Variants in PRXL2A observed in about 807,000 individuals in gnomAD.
The protein encoded by PRXL2A is peroxiredoxin like 2A.
PRXL2A carries 26 observed loss-of-function variants against 25.6 expected under a neutral mutation model. The observed-to-expected ratio is 1.02, with a 90% CI of 0.74 to 1.41. The LOEUF is 1.41. Ranked by LOEUF, PRXL2A falls within the 40% of genes most tolerant of loss-of-function variation. The pLI, the probability that PRXL2A is intolerant of heterozygous loss-of-function variation, is 0.00. For synonymous variants in PRXL2A, 98 were observed against 102.9 expected, an observed-to-expected ratio of 0.95 and a Z score of 0.29; for missense variants, 246 against 273.9, an observed-to-expected ratio of 0.90 and a Z score of 0.72.
At chr10:80,410,579 C>T (rs1358704292) in intron 1 of PRXL2A, among the ~76,000 whole-genome samples, 1 of 152,230 alleles carries the variant, frequency 6.6e-6, no homozygotes, top group African/African-American at 2.4e-5. Flanking sequence ...GCTGCTTTGC[C>T]GTTTTCTAGT....
rs1845284190 is a variant in PRXL2A at position 80,432,116 on chromosome 10, A to G, written c.*17A>G. On this transcript the variant is annotated 3_prime_UTR_variant, in exon 6 of 6. Transcript: ENST00000606162. Reference sequence around the variant, plus strand: ...AAAAAATGATTGTGTGAAACTGCCCAGCTCAGGGATAACCAGGGACATTCA... The same window carrying G: ...AAAAAATGATTGTGTGAAACTGCCCGGCTCAGGGATAACCAGGGACATTCA... 4.8e-6 allele frequency: 7 copies of G among 1,461,802 alleles called. No homozygotes were observed. Among genetic ancestry groups the G allele is most frequent in the Non-Finnish European group, 6.7e-6 (7 of 1,049,780 alleles). The allele number at this position is 1,461,802 out of a possible 1,614,324, so 90.6% of individuals were successfully genotyped here.
chr10:80,423,702 T>G (rs1844940080), intron 3 of PRXL2A, among the ~76,000 whole-genome samples: 1 of 152,222 alleles, frequency 6.6e-6, no homozygotes, highest in African/African-American at 2.4e-5. Context: ...TTTATTATTC[T>G]CATTACAGAG....
chr10:80,413,410 C>G (rs1395300991), intron 1 of PRXL2A, among the ~76,000 whole-genome samples: 1 of 152,106 alleles, frequency 6.6e-6, no homozygotes, highest in East Asian at 1.9e-4. Flanking sequence ...TGAGGGGCCT[C>G]AGAGGTGCCA....
chr10:80,435,137 C>G lies in PRXL2A; in HGVS notation c.*3038C>G, dbSNP rs1350492271. On this transcript the variant is annotated 3_prime_UTR_variant, in exon 6 of 6. Transcript: ENST00000606162. ...GCTGAGGCAGGAGAATCGCTTGAAC[C>G]CAGGAGGCGGAGGGTGCAGTGAGCC... The G allele has an allele frequency of 6.6e-6, 1 of 152,316 alleles. No individual in the cohort carries two copies. Among genetic ancestry groups the G allele is most frequent in the Non-Finnish European group, 1.5e-5 (1 of 68,156 alleles). 9.4% of individuals were successfully genotyped at this position (152,316 alleles called of 1,614,324 possible).
At chr10:80,428,849 T>C (rs1254948692) in intron 5 of PRXL2A, among the ~76,000 whole-genome samples, 1 of 152,240 alleles carries the variant, frequency 6.6e-6, no homozygotes, top group Non-Finnish European at 1.5e-5. Flanking sequence ...GATAATTACA[T>C]ACTCTTCCCA....
chr10:80,413,142 C>T (rs1480774651), intron 1 of PRXL2A, among the ~76,000 whole-genome samples: 1 of 147,650 alleles, frequency 6.8e-6, no homozygotes, highest in Non-Finnish European at 1.5e-5. Context: ...TGTCCCCCCT[C>T]CCTGCCCCCC....
At chr10:80,430,012 G>C (rs1845193336) in intron 5 of PRXL2A, among the ~76,000 whole-genome samples, 1 of 151,830 alleles carries the variant, frequency 6.6e-6, no homozygotes, top group African/African-American at 2.4e-5. Context: ...TAACTGGCTA[G>C]CTGAACTTCA....
At chr10:80,428,914 T>C (rs1845140036) in intron 5 of PRXL2A, among the ~76,000 whole-genome samples, 1 of 152,206 alleles carries the variant, frequency 6.6e-6, no homozygotes, top group African/African-American at 2.4e-5. Context: ...TTTATTTCTT[T>C]TTTTTCAGAT....
At chr10:80,431,487 A>AT (rs1385066897) in intron 5 of PRXL2A, among the ~76,000 whole-genome samples, 5 of 151,634 alleles carry the variant, frequency 3.3e-5, no homozygotes, top group African/African-American at 4.8e-5. Context: ...GTCTTAGTGC[A>AT]TTTTTTTTCA....
rs116366692 is a variant in PRXL2A, at chr10:80,426,119, C to T, written c.411+113C>T. On this transcript the variant is annotated intron_variant, in intron 4 of 5. Transcript: ENST00000606162. ...TGGAGCTGGAGGCTGGCCTTCCCTT[C>T]AGCTGTCCTGAACTTGCAAGGCCTT... is the stretch of plus-strand genomic sequence containing the variant. 2,459 of 1,372,496 alleles carry T rather than the reference C, an allele frequency of 1.8e-3. 24 individuals are homozygous for T. In the African/African-American group the frequency reaches 0.03, roughly 17 times the overall value. The allele number at this position is 1,372,496 out of a possible 1,614,324, so 85.0% of individuals were successfully genotyped here.
intron 1 of PRXL2A, among the ~76,000 whole-genome samples, chr10:80,415,420 C>T (rs1844626432): frequency 6.6e-6 from 1 of 152,202 alleles, no homozygotes; most frequent in Non-Finnish European, 1.5e-5. Flanking sequence ...TCAGCACTGA[C>T]ACCTGCCCCA....
At chr10:80,426,032 C>T (rs201735051) in intron 4 of PRXL2A, 26 bp downstream of exon 4, 1 of 1,613,724 alleles carries the variant, frequency 6.2e-7, no homozygotes, top group South Asian at 1.1e-5. Context: ...GGCTTTTAGA[C>T]ACAGACTGCT....
intron 1 of PRXL2A, chr10:80,409,195 C>T (rs1026987880): frequency 1.4e-4 from 59 of 426,476 alleles, no homozygotes; most frequent in African/African-American, 1.1e-3. Flanking sequence ...CCAAGAGTCA[C>T]AAACGCCTGA....
intron 1 of PRXL2A, chr10:80,413,780 G>A (rs1413538807): frequency 4.9e-6 from 5 of 1,026,724 alleles, no homozygotes; most frequent in African/African-American, 3.5e-5. Context: ...ACCTAGTCCC[G>A]CCTCCAGCCC....
rs142546742 is a variant in PRXL2A at position 80,409,400 on chromosome 10, C to A, written c.-3+757C>A. Among the ~76,000 whole-genome samples, 462 of 152,302 alleles carry A rather than the reference C, an allele frequency of 3.0e-3. 3 individuals are homozygous for A. Among genetic ancestry groups the A allele is most frequent in the African/African-American group, 0.01 (436 of 41,564 alleles). On this transcript the variant is annotated intron_variant, in intron 1 of 5. Transcript: ENST00000606162. ...GTGGGAAGGAGGCACACCCGGGAGT[C>A]CACTGCCGGACCGGGGTTCCCAGCT... is the stretch of plus-strand genomic sequence containing the variant.
intron 1 of PRXL2A, among the ~76,000 whole-genome samples, chr10:80,418,724 C>T (rs545925851): frequency 1.1e-4 from 16 of 152,206 alleles, no homozygotes; most frequent in African/African-American, 3.4e-4. Flanking sequence ...CTTAGGATGG[C>T]GTGAGGACCA....
chr10:80,422,873 C>T (rs887582072), intron 3 of PRXL2A, among the ~76,000 whole-genome samples: 46 of 152,116 alleles, frequency 3.0e-4, no homozygotes, highest in Admixed American at 2.8e-3. Context: ...GCTTCTGATT[C>T]GGGTGTGGTC....
intron 1 of PRXL2A, among the ~76,000 whole-genome samples, chr10:80,417,663 A>G (rs1000102857): frequency 6.6e-6 from 1 of 151,848 alleles, no homozygotes; most frequent in African/African-American, 2.4e-5. Flanking sequence ...TCCCAAGTAT[A>G]TAGATGCCAA....
At chr10:80,422,301 G>C (rs1419435637) in intron 2 of PRXL2A, 116 bp from the exon 3 acceptor site, 2 of 701,304 alleles carry the variant, frequency 2.9e-6, no homozygotes, top group Admixed American at 2.5e-5. Context: ...TGCCTGTCCA[G>C]GTCCTCTACT....
Sources: gnomAD v4.1 joint callset for allele counts (sites outside exome capture counted in the v4.1 genomes callset) on GRCh38, gnomAD v4.1.1 for gene constraint, MANE v1.5 for transcripts, NCBI Gene and HGNC (gene_info 2026-07-23, HGNC 2026-07-21) for gene names.